SLC25A12: variants seen among roughly 807,000 people sequenced by gnomAD.
The protein encoded by SLC25A12 is solute carrier family 25 member 12, also known as electrogenic aspartate/glutamate antiporter SLC25A12, mitochondrial.
A neutral mutation model predicts 83.3 loss-of-function variants in SLC25A12; 32 were observed. The ratio of observed to expected loss-of-function variants is 0.38; its 90% CI spans 0.29 to 0.52. SLC25A12 has a LOEUF of 0.52. Among genes scored for constraint, SLC25A12 ranks in the 20% least tolerant of loss-of-function variants. The pLI is 0.84. For missense variants in SLC25A12, 611 were observed against 835.6 expected, an observed-to-expected ratio of 0.73 and a Z score of 3.31; for synonymous variants, 267 against 291.1, an observed-to-expected ratio of 0.92 and a Z score of 0.84.
At chr2:171,789,441 G>C (rs941886006) in intron 15 of SLC25A12, among the ~76,000 whole-genome samples, 1 of 152,014 alleles carries the variant, frequency 6.6e-6, no homozygotes. Flanking sequence ...TGTTAGCCAG[G>C]ATGGTCTCGA....
chr2:171,798,511 T>C (rs1683644747), intron 13 of SLC25A12, among the ~76,000 whole-genome samples: 2 of 152,352 alleles, frequency 1.3e-5, no homozygotes, highest in Admixed American at 1.3e-4. Context: ...TCGAGACTGA[T>C]GAAAATCTAA....
chr2:171,849,387 G>T (rs557823321), intron 4 of SLC25A12, among the ~76,000 whole-genome samples: 6 of 147,108 alleles, frequency 4.1e-5, no homozygotes, highest in African/African-American at 1.3e-4. Flanking sequence ...TGCAATATCC[G>T]AAAGCAACAC....
In SLC25A12 at chr2:171,785,475, G is replaced by A; in HGVS notation, c.1836C>T (p.Leu612=). The change falls in exon 18 of 18, where the codon CTC becomes CTT. Residue 612 remains leucine (L), a splice_region_variant and synonymous_variant. Transcript: ENST00000422440. The part of the protein sequence containing the change: ...QRWFYIDFGG[L]KPAGSEPTPK... ...GTGTTGGTTCTGAACCAGCGGGTTT[G>A]CTGTTGACAGAAAAAAAGCCAATGG... The A allele has an allele frequency of 6.2e-7, 1 of 1,613,876 alleles. No homozygotes were observed. Among genetic ancestry groups the A allele is most frequent in the Non-Finnish European group, 8.5e-7 (1 of 1,179,988 alleles).
chr2:171,834,697 T>C, intron 7 of SLC25A12, 30 bp downstream of exon 7: 1 of 1,608,656 alleles, frequency 6.2e-7, no homozygotes, highest in Non-Finnish European at 8.5e-7. Context: ...AATGCTGAGA[T>C]TCTTATTTAT....
chr2:171,857,424 C>T (rs1314973043), intron 3 of SLC25A12, among the ~76,000 whole-genome samples: 3 of 148,600 alleles, frequency 2.0e-5, no homozygotes, highest in Admixed American at 6.7e-5. Context: ...GTAGCTCACG[C>T]CTGTAATGCC....
intron 7 of SLC25A12, 173 bp from the exon 8 acceptor site, chr2:171,834,229 G>A (rs1380660602): frequency 3.5e-6 from 2 of 566,604 alleles, no homozygotes; most frequent in African/African-American, 3.8e-5. Context: ...ATGCATTTCT[G>A]AAGGCTGGTA....
chr2:171,801,122 A>AT (rs1323814768), intron 13 of SLC25A12, among the ~76,000 whole-genome samples: 6 of 152,228 alleles, frequency 3.9e-5, no homozygotes, highest in African/African-American at 1.4e-4. Context: ...TAAATATGTC[A>AT]TATTCATACA....
chr2:171,849,900 CA>C (rs1273777264), intron 4 of SLC25A12, among the ~76,000 whole-genome samples: 1 of 151,936 alleles, frequency 6.6e-6, no homozygotes, highest in East Asian at 1.9e-4. Context: ...CTCCCAGGTT[CA>C]AGAGATTATC....
intron 2 of SLC25A12, among the ~76,000 whole-genome samples, chr2:171,891,598 C>T (rs1304995989): frequency 1.3e-5 from 2 of 152,172 alleles, no homozygotes; most frequent in African/African-American, 4.8e-5. Flanking sequence ...ACTCAGATAC[C>T]TAGGCAGTAT....
chr2:171,806,649 C>T (rs771732113), intron 13 of SLC25A12, among the ~76,000 whole-genome samples: 6 of 152,138 alleles, frequency 3.9e-5, no homozygotes, highest in Admixed American at 6.5e-5. Context: ...CTATAGGGAA[C>T]TCAAGGCCTA....
intron 4 of SLC25A12, among the ~76,000 whole-genome samples, chr2:171,851,202 T>C (rs866911902): frequency 5.3e-5 from 8 of 151,820 alleles, no homozygotes; most frequent in Middle Eastern, 3.5e-3. Flanking sequence ...CTTGTTTGTT[T>C]TTTTTTTTGG....
rs537059659 is a variant in SLC25A12 at position 171,858,951 on chromosome 2, C to T, written c.210-3002G>A. ...TTGTCTGTCAGCATATTCAAAAAGA[C>T]AAATCATATATTCATGCAACTTTGG... On this transcript the variant is annotated intron_variant, in intron 3 of 17. Transcript: ENST00000422440. Among the ~76,000 whole-genome samples the T allele has an allele frequency of 9.2e-5, 14 of 152,268 alleles. No homozygotes were observed. The South Asian group carries it at 2.1e-3, about 23-fold the overall frequency.
At chr2:171,871,235 G>A (rs1685450702) in intron 2 of SLC25A12, among the ~76,000 whole-genome samples, 2 of 151,830 alleles carry the variant, frequency 1.3e-5, no homozygotes, top group Admixed American at 1.3e-4. Flanking sequence ...AAGCCACAGA[G>A]ACTACCACCA....
At chr2:171,793,050 G>T (rs1295100742) in intron 14 of SLC25A12, among the ~76,000 whole-genome samples, 1 of 151,528 alleles carries the variant, frequency 6.6e-6, no homozygotes, top group African/African-American at 2.4e-5. Context: ...AATGATGGGA[G>T]TAAGTATACC....
Position 171,834,067 on chromosome 2 carries a change from GAA to G in SLC25A12, c.752-13_752-12del. The G allele has an allele frequency of 6.7e-7, 1 of 1,482,746 alleles. No homozygotes were observed. The highest frequency in any genetic ancestry group is 9.4e-7 in the Non-Finnish European group (1 of 1,065,656). 91.8% of individuals were successfully genotyped at this position (1,482,746 alleles called of 1,614,324 possible). A position where few individuals can be genotyped will look rare whatever the true frequency, so the allele number is the denominator to read the frequency against. On this transcript the variant is annotated splice_polypyrimidine_tract_variant and intron_variant, in intron 7 of 17. Transcript: ENST00000422440. ...TCTGGGCAAATTCCTCTGGAACAGAGAAAAAAAAAGTTAAAATCTTGAATGAT... is the reference window on the plus strand; with the variant it reads ...TCTGGGCAAATTCCTCTGGAACAGAGAAAAAAAGTTAAAATCTTGAATGAT...
chr2:171,863,568 C>CAATGCA (rs1685216042), intron 3 of SLC25A12, among the ~76,000 whole-genome samples: 2 of 150,312 alleles, frequency 1.3e-5, no homozygotes, highest in African/African-American at 2.4e-5. Flanking sequence ...CCTACTTTAA[C>CAATGCA]AATGCAACTC....
chr2:171,843,453 C>T (rs1282697372), intron 5 of SLC25A12, among the ~76,000 whole-genome samples: 2 of 151,770 alleles, frequency 1.3e-5, no homozygotes, highest in African/African-American at 4.8e-5. Context: ...GCCAACATGG[C>T]AAAACCCCAC....
intron 13 of SLC25A12, among the ~76,000 whole-genome samples, chr2:171,800,061 G>T (rs1358388008): frequency 6.6e-6 from 1 of 152,098 alleles, no homozygotes; most frequent in Admixed American, 6.5e-5. Context: ...TTAATATTCT[G>T]CTTTGTTAAT....
At chr2:171,855,723 T>C (rs1685032246) in intron 4 of SLC25A12, 111 bp downstream of exon 4, 1 of 768,026 alleles carries the variant, frequency 1.3e-6, no homozygotes. Flanking sequence ...GGAAATTCAA[T>C]TATGGGTCAG....
Sources: allele counts gnomAD v4.1 joint callset (sites outside exome capture counted in the v4.1 genomes callset), GRCh38; gene constraint gnomAD v4.1.1; transcripts MANE v1.5; gene names NCBI Gene and HGNC (gene_info 2026-07-23, HGNC 2026-07-21).